CSMD1: variants seen among roughly 807,000 people sequenced by gnomAD.
CSMD1 encodes the protein CUB and Sushi multiple domains 1, also known as CUB and sushi domain-containing protein 1.
A neutral mutation model predicts 417.5 loss-of-function variants in CSMD1; 213 were observed. The observed-to-expected ratio is 0.51, with a 90% confidence interval of 0.46 to 0.57. The LOEUF (loss-of-function observed/expected upper bound fraction) is 0.57. CSMD1 is among the 20% of genes least tolerant of loss of function. The pLI is 0.00. For missense variants in CSMD1, 6,923 were observed against 4,529.7 expected, an observed-to-expected ratio of 1.53 and a Z score of -15.17; for synonymous variants, 2,862 against 1,736.8, an observed-to-expected ratio of 1.65 and a Z score of -16.11.
At chr8:3,031,470 TA>T (rs200151995) in intron 50 of CSMD1, among the ~76,000 whole-genome samples, 33 of 151,762 alleles carry the variant, frequency 2.2e-4, no homozygotes, top group East Asian at 7.7e-4. Context: ...CTAACAATAA[TA>T]AAAAAAAATT....
At chr8:4,610,486 G>C (rs1202647094) in intron 2 of CSMD1, among the ~76,000 whole-genome samples, 5 of 152,118 alleles carry the variant, frequency 3.3e-5, no homozygotes, top group Non-Finnish European at 5.9e-5. Context: ...CCCAAGCTGA[G>C]ACTCCATAAA....
chr8:3,709,692 T>TTTTTTTTTTTTTTTTTTTTTTTTTTTC (rs1801393228), intron 6 of CSMD1, among the ~76,000 whole-genome samples: 1 of 120,158 alleles, frequency 8.3e-6, no homozygotes, highest in Non-Finnish European at 1.8e-5. Context: ...TTTTTTTTTT[T>TTTTTTTTTTTTTTTTTTTTTTTTTTTC]TTTTTTTTTT....
At chr8:4,911,750 G>A (rs911939616) in intron 1 of CSMD1, among the ~76,000 whole-genome samples, 1 of 152,006 alleles carries the variant, frequency 6.6e-6, no homozygotes, top group East Asian at 1.9e-4. Context: ...AATCACGTTG[G>A]TTTCTTCTTG....
intron 26 of CSMD1, among the ~76,000 whole-genome samples, chr8:3,249,866 A>G (rs183019100): frequency 1.0e-3 from 154 of 152,302 alleles, no homozygotes; most frequent in Non-Finnish European, 1.5e-3. Flanking sequence ...GTTTCTATGA[A>G]ATGTTTAGAA....
intron 5 of CSMD1, among the ~76,000 whole-genome samples, chr8:3,990,649 A>C (rs1814672223): frequency 6.6e-6 from 1 of 152,214 alleles, no homozygotes; most frequent in African/African-American, 2.4e-5. Context: ...ACCCGAATTA[A>C]AGGATTGCTC....
intron 8 of CSMD1, among the ~76,000 whole-genome samples, chr8:3,595,233 A>T (rs1355477092): frequency 1.3e-5 from 2 of 152,310 alleles, no homozygotes; most frequent in African/African-American, 4.8e-5. Flanking sequence ...ACCATTTGCA[A>T]GCAAGCCAGC....
At chr8:4,214,500 G>C (rs1800514256) in intron 3 of CSMD1, among the ~76,000 whole-genome samples, 2 of 152,140 alleles carry the variant, frequency 1.3e-5, no homozygotes, top group Admixed American at 6.5e-5. Flanking sequence ...GTCTTCCTCT[G>C]TTGCCCAGGT....
chr8:4,669,847 C>T (rs1391738778), intron 1 of CSMD1, among the ~76,000 whole-genome samples: 2 of 152,132 alleles, frequency 1.3e-5, no homozygotes, highest in African/African-American at 4.8e-5. Context: ...GGTTTCTTAG[C>T]CAAATCACAG....
chr8:4,165,962 G>C (rs1010167690), intron 3 of CSMD1, among the ~76,000 whole-genome samples: 2 of 152,166 alleles, frequency 1.3e-5, no homozygotes, highest in African/African-American at 4.8e-5. Context: ...AGGTGTCACT[G>C]TAAGTAATAA....
intron 3 of CSMD1, among the ~76,000 whole-genome samples, chr8:4,268,229 G>A (rs759385233): frequency 1.3e-5 from 2 of 152,108 alleles, no homozygotes; most frequent in African/African-American, 4.8e-5. Flanking sequence ...GAAAATAATT[G>A]TAAGGTGAGC....
In CSMD1 at chr8:3,219,337, T is replaced by C. The variant is rs1370213348; in HGVS notation, c.4590A>G (p.Ile1530Met). ...GAAACAGGCTGTTTCCGCTACTCTC[T>C]ATTCTTTCTGGGGCCTGAGAGCCCT... ...SYQGSQAPER[I>M]ESSGNSLFLA... Residue 1530 changes from isoleucine (I) to methionine (M), a missense_variant, in exon 29 of 70, where the codon ATA becomes ATG. Transcript: ENST00000635120. The C allele has an allele frequency of 3.8e-6, 6 of 1,581,638 alleles. No individual in the cohort carries two copies. Among genetic ancestry groups the C allele is most frequent in the Non-Finnish European group, 5.2e-6 (6 of 1,162,794 alleles).
chr8:4,314,789 G>A (rs1410254934), intron 3 of CSMD1, among the ~76,000 whole-genome samples: 1 of 152,166 alleles, frequency 6.6e-6, no homozygotes, highest in South Asian at 2.1e-4. Flanking sequence ...AAAAGATTCA[G>A]CATTTATGAA....
intron 1 of CSMD1, among the ~76,000 whole-genome samples, chr8:4,805,001 T>C (rs757864262): frequency 8.5e-5 from 13 of 152,172 alleles, no homozygotes; most frequent in Non-Finnish European, 1.8e-4. Flanking sequence ...AGGATTAATT[T>C]AAATCTAGTA....
intron 10 of CSMD1, among the ~76,000 whole-genome samples, chr8:3,531,242 C>A (rs1434045267): frequency 2.0e-5 from 3 of 152,084 alleles, no homozygotes; most frequent in Non-Finnish European, 4.4e-5. Context: ...CAGGTCCCTC[C>A]CATTTCCTCT....
intron 3 of CSMD1, among the ~76,000 whole-genome samples, chr8:4,092,942 T>A (rs1199096567): frequency 6.6e-6 from 1 of 152,200 alleles, no homozygotes; most frequent in Non-Finnish European, 1.5e-5. Flanking sequence ...CCTTTATTAC[T>A]CTTCCTGTCA....
chr8:4,573,142 G>A (rs1798966027), intron 2 of CSMD1, among the ~76,000 whole-genome samples: 1 of 152,110 alleles, frequency 6.6e-6, no homozygotes, highest in Admixed American at 6.5e-5. Context: ...CGCATTCCCT[G>A]TCCCGTTGTG....
intron 6 of CSMD1, among the ~76,000 whole-genome samples, chr8:3,725,528 G>T (rs1180607856): frequency 6.6e-6 from 1 of 152,136 alleles, no homozygotes; most frequent in Non-Finnish European, 1.5e-5. Flanking sequence ...ATGTGTATGT[G>T]GGTTTGTGTC....
At chr8:3,398,989 A>G (rs1376540251) in intron 16 of CSMD1, among the ~76,000 whole-genome samples, 1 of 152,168 alleles carries the variant, frequency 6.6e-6, no homozygotes, top group African/African-American at 2.4e-5. Flanking sequence ...TCGAGTGACC[A>G]GCAGCCACCA....
chr8:4,415,187 G>C (rs59958661), intron 3 of CSMD1, among the ~76,000 whole-genome samples: 23,510 of 152,088 alleles, frequency 0.15, 1,998 homozygotes, highest in East Asian at 0.29. Flanking sequence ...CTGAGCTCCA[G>C]AGAACCCAGG....
Sources: allele counts gnomAD v4.1 joint callset (sites outside exome capture counted in the v4.1 genomes callset), GRCh38; gene constraint gnomAD v4.1.1; transcripts MANE v1.5; gene names NCBI Gene and HGNC (gene_info 2026-07-23, HGNC 2026-07-21).